Variants in THRAP3 observed in about 807,000 individuals in gnomAD.
THRAP3 encodes thyroid hormone receptor associated protein 3.
THRAP3 carries 16 observed loss-of-function variants against 101.0 expected under a neutral mutation model. The ratio of observed to expected loss-of-function variants is 0.16; its 90% CI spans 0.11 to 0.24. The LOEUF (loss-of-function observed/expected upper bound fraction) is 0.24, where lower values mean the gene tolerates loss of function less well. Ranked by LOEUF, THRAP3 falls within the 10% of genes least tolerant of loss-of-function variation. THRAP3 has a pLI of 1.00. For synonymous variants in THRAP3, 407 were observed against 422.6 expected, an observed-to-expected ratio of 0.96 and a Z score of 0.45; for missense variants, 989 against 1,202.7, an observed-to-expected ratio of 0.82 and a Z score of 2.63.
intron 4 of THRAP3, chr1:36,288,821 T>G: frequency 1.0e-6 from 1 of 985,438 alleles, no homozygotes; most frequent in Non-Finnish European, 1.2e-6. Context: ...TTTGGTTGCT[T>G]TTGTAAGACA....
chr1:36,226,290 C>T (rs373282375), intron 1 of THRAP3, among the ~76,000 whole-genome samples: 19 of 152,132 alleles, frequency 1.2e-4, no homozygotes, highest in Admixed American at 2.0e-4. Flanking sequence ...GACAAAGTCT[C>T]GCGCTGTCAC....
intron 1 of THRAP3, among the ~76,000 whole-genome samples, chr1:36,247,968 C>T (rs557306496): frequency 6.6e-6 from 1 of 151,652 alleles, no homozygotes; most frequent in Non-Finnish European, 1.5e-5. Context: ...CAACCTCCAC[C>T]TCCCAGGTTC....
intron 1 of THRAP3, among the ~76,000 whole-genome samples, chr1:36,253,397 T>C (rs770637514): frequency 3.9e-5 from 6 of 152,214 alleles, no homozygotes; most frequent in African/African-American, 1.4e-4. Flanking sequence ...GTTGGAAATA[T>C]GCTGGAACTG....
chr1:36,224,655 G>C (rs559553694), intron 1 of THRAP3, 150 bp downstream of exon 1: 1 of 152,644 alleles, frequency 6.6e-6, no homozygotes, highest in Non-Finnish European at 1.5e-5. Context: ...CCTCTTCTGA[G>C]CGGGCTCCGT....
At chr1:36,302,162 T>C (rs1308592174) in intron 11 of THRAP3, among the ~76,000 whole-genome samples, 2 of 152,220 alleles carry the variant, frequency 1.3e-5, no homozygotes, top group East Asian at 3.8e-4. Context: ...AGGCTGTTGA[T>C]CATTCCTGTG....
chr1:36,258,376 A>G (rs1022678342), intron 1 of THRAP3, among the ~76,000 whole-genome samples: 2 of 152,188 alleles, frequency 1.3e-5, no homozygotes, highest in Non-Finnish European at 2.9e-5. Context: ...AAAGTGCTAT[A>G]TTTGTACTTA....
chr1:36,248,339 G>C (rs1442790079), intron 1 of THRAP3, among the ~76,000 whole-genome samples: 1 of 151,744 alleles, frequency 6.6e-6, no homozygotes, highest in Non-Finnish European at 1.5e-5. Flanking sequence ...GGGGGTCTTG[G>C]TTTGTTGTCC....
chr1:36,230,587 C>T (rs1645017646), intron 1 of THRAP3, among the ~76,000 whole-genome samples: 1 of 152,094 alleles, frequency 6.6e-6, no homozygotes, highest in Admixed American at 6.6e-5. Context: ...TTTAAGTGTG[C>T]TTTCCTTCAG....
At chr1:36,288,305 C>T in intron 4 of THRAP3, 1 of 849,468 alleles carries the variant, frequency 1.2e-6, no homozygotes, top group Non-Finnish European at 1.4e-6. Flanking sequence ...ATCCTTGCCC[C>T]CTCCCATCCT....
chr1:36,270,090 C>T (rs548067267), intron 2 of THRAP3, among the ~76,000 whole-genome samples: 1 of 152,030 alleles, frequency 6.6e-6, no homozygotes, highest in Non-Finnish European at 1.5e-5. Context: ...ATCAATACTT[C>T]TATAATAAAA....
chr1:36,287,236 A>G lies in THRAP3; in HGVS notation c.1006A>G (p.Ser336Gly). ...STYGSSQKEESAASGGAAYTK... is the reference protein window; with the variant it reads ...STYGSSQKEEGAASGGAAYTK... ...ATATGGCTCATCTCAGAAGGAGGAG[A>G]GTGCTGCTTCAGGAGGAGCAGCCTA... is the stretch of plus-strand genomic sequence containing the variant. The change falls in exon 4 of 12, where the codon AGT (serine) becomes GGT (glycine). Residue 336 changes from serine (S) to glycine (G), a missense_variant. Ser to Gly is a moderately conservative substitution (Grantham distance 56). Coordinates refer to ENST00000354618, the MANE Select transcript of THRAP3 (RefSeq NM_005119.4). 6.2e-7 allele frequency: 1 copy of G among 1,613,084 alleles called. No homozygotes were observed. The highest frequency in any genetic ancestry group is 2.2e-5 in the East Asian group (1 of 44,854).
At chr1:36,210,952 A>T in the THRAP3 span, among the ~76,000 whole-genome samples, 1 of 149,698 alleles carries the variant, frequency 6.7e-6, no homozygotes, top group Non-Finnish European at 1.5e-5. Context: ...GTGGTTCATG[A>T]TGTAATCCTG....
chr1:36,296,773 A>G lies in THRAP3; in HGVS notation c.2303+3A>G. The G allele has an allele frequency of 6.3e-7, 1 of 1,582,626 alleles. No individual in the cohort carries two copies. On this transcript the variant is annotated splice_donor_region_variant and intron_variant, in intron 9 of 11. Transcript: ENST00000354618. ...CATAAAGGATCAAAGAAACAGAAGTACGTAAGCCCCTGTTACCCCTTCCAG... is the reference window on the plus strand; with the variant it reads ...CATAAAGGATCAAAGAAACAGAAGTGCGTAAGCCCCTGTTACCCCTTCCAG...
chr1:36,212,233 G>C, the THRAP3 span, among the ~76,000 whole-genome samples: 1 of 151,992 alleles, frequency 6.6e-6, no homozygotes, highest in Non-Finnish European at 1.5e-5. Flanking sequence ...AGAAAGAGAG[G>C]GCCCTTTCCT....
intron 1 of THRAP3, among the ~76,000 whole-genome samples, chr1:36,257,024 C>T (rs1299080611): frequency 1.3e-5 from 2 of 151,950 alleles, no homozygotes; most frequent in East Asian, 1.9e-4. Context: ...CTTGAACTCC[C>T]GACCTCAGGT....
intron 1 of THRAP3, among the ~76,000 whole-genome samples, chr1:36,229,408 T>G (rs1247990125): frequency 1.1e-4 from 2 of 18,922 alleles, no homozygotes; most frequent in East Asian, 8.3e-3. Flanking sequence ...CAGTTTTTTT[T>G]TTTGTTTTTT....
chr1:36,223,314 G>GC (rs2124304533), upstream of THRAP3, among the ~76,000 whole-genome samples: 1 of 152,252 alleles, frequency 6.6e-6, no homozygotes, highest in African/African-American at 2.4e-5. Context: ...GTTGAGCCTT[G>GC]CAGCTTTTCT....
At chr1:36,258,973 T>C (rs1384464807) in intron 1 of THRAP3, among the ~76,000 whole-genome samples, 1 of 152,216 alleles carries the variant, frequency 6.6e-6, no homozygotes, top group Non-Finnish European at 1.5e-5. Context: ...TATGGGTAGG[T>C]ACGGAGAGTT....
intron 2 of THRAP3, among the ~76,000 whole-genome samples, chr1:36,279,055 A>G (rs1320403926): frequency 6.6e-6 from 1 of 152,230 alleles, no homozygotes; most frequent in Non-Finnish European, 1.5e-5. Context: ...TCTTGAGTGC[A>G]CTTGTCAATT....
Sources: gnomAD v4.1 joint callset for allele counts (sites outside exome capture counted in the v4.1 genomes callset) on GRCh38, gnomAD v4.1.1 for gene constraint, MANE v1.5 for transcripts, NCBI Gene and HGNC (gene_info 2026-07-23, HGNC 2026-07-21) for gene names.